Variants in TSPAN9 observed in about 807,000 individuals in gnomAD.
The protein encoded by TSPAN9 is tetraspanin 9.
A neutral mutation model predicts 31.0 loss-of-function variants in TSPAN9; 16 were observed. The ratio of observed to expected loss-of-function variants is 0.52; its 90% confidence interval spans 0.35 to 0.78. TSPAN9 has a LOEUF of 0.78. TSPAN9 is among the 30% of genes least tolerant of loss of function. The pLI is 0.01. For synonymous variants in TSPAN9, 145 were observed against 121.6 expected, an observed-to-expected ratio of 1.19 and a Z score of -1.27; for missense variants, 272 against 312.5, an observed-to-expected ratio of 0.87 and a Z score of 0.98.
intron 3 of TSPAN9, among the ~76,000 whole-genome samples, chr12:3,210,414 T>A (rs2098378032): frequency 6.6e-6 from 1 of 152,252 alleles, no homozygotes. Flanking sequence ...ATTTCTTTGA[T>A]CACTAGTGGA....
At chr12:3,246,927 G>A (rs1008952455) in intron 3 of TSPAN9, among the ~76,000 whole-genome samples, 1 of 152,198 alleles carries the variant, frequency 6.6e-6, no homozygotes, top group South Asian at 2.1e-4. Context: ...GGCGTCCTGG[G>A]TGAAGTGGGG....
At chr12:3,209,206 G>C (rs1326539187) in intron 3 of TSPAN9, among the ~76,000 whole-genome samples, 1 of 149,670 alleles carries the variant, frequency 6.7e-6, no homozygotes, top group African/African-American at 2.5e-5. Context: ...TTGCACTGCA[G>C]CCTGGGCGAC....
chr12:3,256,517 C>T (rs1402203899), intron 3 of TSPAN9, among the ~76,000 whole-genome samples: 4 of 152,176 alleles, frequency 2.6e-5, no homozygotes, highest in Admixed American at 1.3e-4. Flanking sequence ...CGGGCTGTAG[C>T]GAGAGCTGCC....
chr12:3,088,101 T>C (rs1409323653), intron 2 of TSPAN9, among the ~76,000 whole-genome samples: 3 of 152,218 alleles, frequency 2.0e-5, no homozygotes, highest in Admixed American at 2.0e-4. Flanking sequence ...ATGAACTGTG[T>C]CTTTCCGGGT....
At chr12:3,186,877 G>A (rs546774617) in intron 2 of TSPAN9, among the ~76,000 whole-genome samples, 2 of 152,158 alleles carry the variant, frequency 1.3e-5, no homozygotes, top group Non-Finnish European at 1.5e-5. Context: ...TCTGCCTGGA[G>A]TTTCTTTTGG....
intron 2 of TSPAN9, among the ~76,000 whole-genome samples, chr12:3,148,050 G>A (rs1240228237): frequency 6.6e-6 from 1 of 152,140 alleles, no homozygotes; most frequent in African/African-American, 2.4e-5. Context: ...TGGAGACAAA[G>A]CGCAAAACTA....
intron 3 of TSPAN9, among the ~76,000 whole-genome samples, chr12:3,206,703 G>A (rs1042661014): frequency 1.3e-5 from 2 of 152,004 alleles, no homozygotes; most frequent in African/African-American, 2.4e-5. Flanking sequence ...AGCACCTGCC[G>A]TAAGCCGGGA....
At position 3,081,203 on chromosome 12, in the gene TSPAN9, C is replaced by A. The variant is rs1021842114; in HGVS notation, c.-84-2450C>A. Reference sequence around the variant, plus strand: ...GTTATTTATAACCTCGTGGAGGAGACTGGACTAAGATGCTTGGAACAAGAG... The same window carrying A: ...GTTATTTATAACCTCGTGGAGGAGAATGGACTAAGATGCTTGGAACAAGAG... On this transcript the variant is annotated intron_variant, in intron 1 of 8. Coordinates refer to ENST00000011898, the MANE Select transcript of TSPAN9 (RefSeq NM_006675.5). Among the ~76,000 whole-genome samples, 8 of 152,300 alleles carry A rather than the reference C, an allele frequency of 5.3e-5. No homozygotes were observed. The East Asian group carries it at 5.8e-4, about 11-fold the overall frequency.
chr12:3,131,551 G>A (rs2098329834), intron 2 of TSPAN9, among the ~76,000 whole-genome samples: 1 of 152,154 alleles, frequency 6.6e-6, no homozygotes, highest in Non-Finnish European at 1.5e-5. Context: ...CTCTAATGCT[G>A]ATGAAAGCTT....
intron 3 of TSPAN9, among the ~76,000 whole-genome samples, chr12:3,270,036 G>A (rs138279653): frequency 1.2e-3 from 180 of 152,294 alleles, no homozygotes; most frequent in African/African-American, 3.9e-3. Flanking sequence ...TTGGCATCCC[G>A]GCCACACGTC....
intron 3 of TSPAN9, among the ~76,000 whole-genome samples, chr12:3,226,744 GTATATATATATATATATATATATATA>G (rs869054494): frequency 0.01 from 29 of 2,858 alleles, 1 homozygote; most frequent in African/African-American, 0.023. Flanking sequence ...GTGTGTGTGT[GTATATATATATATATATATATATATA>G]TATATATATA....
chr12:3,174,721 T>C (rs77533656), intron 2 of TSPAN9, among the ~76,000 whole-genome samples: 48,160 of 142,964 alleles, frequency 0.34, 10,293 homozygotes, highest in South Asian at 0.5. Flanking sequence ...TAGCTGGGAC[T>C]ACAGGCGCCC....
chr12:3,205,435 G>A (rs2098374516), intron 3 of TSPAN9, among the ~76,000 whole-genome samples: 1 of 152,238 alleles, frequency 6.6e-6, no homozygotes, highest in Non-Finnish European at 1.5e-5. Context: ...GCCTTTGGGT[G>A]CAGGCAGCAT....
At chr12:3,091,421 A>G (rs2098304530) in intron 2 of TSPAN9, among the ~76,000 whole-genome samples, 1 of 152,192 alleles carries the variant, frequency 6.6e-6, no homozygotes, top group African/African-American at 2.4e-5. Context: ...AATGTCACCA[A>G]TGGCAGGGAG....
chr12:3,229,462 A>C (rs2098389542), intron 3 of TSPAN9, among the ~76,000 whole-genome samples: 1 of 152,172 alleles, frequency 6.6e-6, no homozygotes, highest in African/African-American at 2.4e-5. Context: ...TCTTGCTCCC[A>C]GCAAATCCCA....
At chr12:3,197,233 G>A (rs747759191) in intron 2 of TSPAN9, among the ~76,000 whole-genome samples, 9 of 152,244 alleles carry the variant, frequency 5.9e-5, no homozygotes, top group African/African-American at 1.4e-4. Context: ...TGGTCCAGCT[G>A]GTAAATGATC....
At chr12:3,282,098 G>T in intron 8 of TSPAN9, 2 of 641,432 alleles carry the variant, frequency 3.1e-6, no homozygotes, top group South Asian at 3.5e-5. Context: ...CCCCAGTTCT[G>T]CCCAAACCTT....
rs1179570573 is a variant in TSPAN9 at position 3,235,223 on chromosome 12, T to A, written c.63+33967T>A. On this transcript the variant is annotated intron_variant, in intron 3 of 8. Transcript: ENST00000011898. ...AAAAAAAAAAAAAAAAAAAAATATA[T>A]ATATATATATATATATATATATATA... is the stretch of plus-strand genomic sequence containing the variant. Among the ~76,000 whole-genome samples the A allele has an allele frequency of 6.8e-3, 42 of 6,214 alleles. 3 individuals are homozygous for A. The highest frequency in any genetic ancestry group is 0.011 in the East Asian group (1 of 90). The allele number at this position is 6,214 out of a possible 152,430, so 4.1% of individuals were successfully genotyped here.
At chr12:3,188,028 G>A (rs746218700) in intron 2 of TSPAN9, among the ~76,000 whole-genome samples, 20 of 152,294 alleles carry the variant, frequency 1.3e-4, no homozygotes, top group Non-Finnish European at 2.8e-4. Context: ...GGGGAACTCT[G>A]CAGGGACTGA....
Sources: allele counts gnomAD v4.1 joint callset (sites outside exome capture counted in the v4.1 genomes callset), GRCh38; gene constraint gnomAD v4.1.1; transcripts MANE v1.5; gene names NCBI Gene and HGNC (gene_info 2026-07-23, HGNC 2026-07-21).